PSG7: variants seen among roughly 807,000 people sequenced by gnomAD.
PSG7 encodes pregnancy specific beta-1-glycoprotein 7.
A neutral mutation model predicts 45.6 loss-of-function variants in PSG7; 57 were observed. The observed-to-expected ratio is 1.25, with a 90% CI of 1.01 to 1.56. PSG7 has a LOEUF of 1.56. PSG7 is among the 40% of genes most tolerant of loss of function. The pLI is 0.00. For synonymous variants in PSG7, 298 were observed against 194.4 expected (o/e 1.53, Z -4.43); for missense variants, 796 against 508.4 (o/e 1.57, Z -5.44).
chr19:42,930,221 G>T (rs551292641), intron 2 of PSG7, among the ~76,000 whole-genome samples: 25 of 151,734 alleles, frequency 1.6e-4, no homozygotes, highest in African/African-American at 5.6e-4. Context: ...GCCTGGGACT[G>T]GGTACTTCAG....
intron 2 of PSG7, among the ~76,000 whole-genome samples, chr19:42,933,307 A>ATATATTTT (rs56691588): frequency 8.9e-4 from 12 of 13,504 alleles, no homozygotes; most frequent in Non-Finnish European, 1.3e-3. Flanking sequence ...ATATATATAT[A>ATATATTTT]TTTTTTTTTT....
chr19:42,930,801 T>C (rs1973003545), intron 2 of PSG7, among the ~76,000 whole-genome samples: 1 of 151,552 alleles, frequency 6.6e-6, no homozygotes, highest in South Asian at 2.1e-4. Flanking sequence ...GGGTGTGTGG[T>C]TTCAGTTATG....
intron 2 of PSG7, among the ~76,000 whole-genome samples, chr19:42,933,097 A>C (rs1193433674): frequency 1.3e-5 from 2 of 148,590 alleles, no homozygotes; most frequent in East Asian, 4.0e-4. Flanking sequence ...TTCCATCACC[A>C]AACAATCAGC....
In PSG7 at chr19:42,935,401, C is replaced by T. The variant is rs782274823; in HGVS notation, c.430+3G>A. The stretch of plus-strand genomic sequence containing the variant: ...CACCCAGGGACCATGTGGAATCACT[C>T]ACGGTATAAGGTGAAGGTGAAACGT... On this transcript the variant is annotated splice_donor_region_variant and intron_variant, in intron 2 of 5. Coordinates refer to ENST00000406070, the MANE Select transcript of PSG7 (RefSeq NM_002783.3). The T allele has an allele frequency of 3.2e-5, 52 of 1,611,210 alleles. 2 individuals are homozygous for T. The Admixed American group carries it at 6.9e-4, about 21-fold the overall frequency.
At chr19:42,925,452 T>G in intron 5 of PSG7, 1 of 638,732 alleles carries the variant, frequency 1.6e-6, no homozygotes, top group Non-Finnish European at 2.4e-6. Context: ...TTTCCATAAA[T>G]CTAGAAAACT....
rs781930808 is a variant in PSG7, at chr19:42,935,560, C to T, written c.274G>A (p.Gly92Arg). The T allele has an allele frequency of 1.9e-6, 3 of 1,612,044 alleles. No individual in the cohort carries two copies. Among genetic ancestry groups the T allele is most frequent in the Non-Finnish European group, 2.5e-6 (3 of 1,179,060 alleles). Residue 92 changes from glycine to arginine, a missense_variant, in exon 2 of 6, where the codon GGG (glycine) becomes AGG (arginine). By Grantham distance (125) the Gly-to-Arg change is moderately radical. Transcript: ENST00000406070. Reference sequence around the variant, plus strand: ...GTTTCTCGTCCACTGTATGCAGGCCCATATTTAATTATTTGACCGTCTACT... The same window carrying T: ...GTTTCTCGTCCACTGTATGCAGGCCTATATTTAATTATTTGACCGTCTACT... Reference protein sequence around the residue: ...YIVDGQIIKYGPAYSGRETVY... With the variant: ...YIVDGQIIKYRPAYSGRETVY...
rs753319277 is a variant in PSG7 at position 42,926,639 on chromosome 19, C to A, written c.787G>T (p.Glu263Ter). The change falls in exon 4 of 6, where the codon GAA (glutamate) becomes TAA (stop). Residue 263 changes from glutamate to a stop codon, truncating the protein, a stop_gained. Coordinates refer to ENST00000406070, the MANE Select transcript of PSG7 (RefSeq NM_002783.3). LOFTEE classifies it high-confidence loss of function. ...ENKDVSTFTC[E>*]PKSENYTYIW... ...TAGGTGTAGTTCTCACTCTTAGGTT[C>A]ACAGGTGAAGGTTGAGACATCCTTA... 1.1e-5 allele frequency: 18 copies of A among 1,610,016 alleles called. No individual in the cohort carries two copies. The Admixed American group carries it at 2.8e-4, about 25-fold the overall frequency.
rs781287687 is a variant in PSG7 at position 42,926,656 on chromosome 19, A to T, written c.770T>A (p.Val257Asp). The T allele has an allele frequency of 6.2e-7, 1 of 1,610,268 alleles. No homozygotes were observed. The highest frequency in any genetic ancestry group is 2.2e-5 in the East Asian group (1 of 44,816). ...NNLNPRENKD[V>D]STFTCEPKSE... is the part of the protein sequence containing the mutation. ...CTTAGGTTCACAGGTGAAGGTTGAG[A>T]CATCCTTATTCTCCCTGGGGTTTAA... The change falls in exon 4 of 6, where the codon GTC (valine) becomes GAC (aspartate). Residue 257 changes from valine (V) to aspartate (D), a missense_variant. Coordinates refer to ENST00000406070, the MANE Select transcript of PSG7 (RefSeq NM_002783.3).
intron 2 of PSG7, among the ~76,000 whole-genome samples, chr19:42,933,305 ATATTTTTT>A (rs1264829482): frequency 1.5e-4 from 2 of 13,748 alleles, no homozygotes; most frequent in African/African-American, 3.4e-4. Flanking sequence ...ATATATATAT[ATATTTTTT>A]TTTTTTTTTG....
chr19:42,927,110 G>A lies in PSG7; in HGVS notation c.710-394C>T, dbSNP rs1407469592. 1.5e-5 allele frequency: 4 copies of A among 259,550 alleles called. 1 individual carries two copies. Among genetic ancestry groups the A allele is most frequent in the Middle Eastern group, 1.3e-3 (1 of 782 alleles). The allele number at this position is 259,550 out of a possible 1,614,324, so 16.1% of individuals were successfully genotyped here. On this transcript the variant is annotated intron_variant, in intron 3 of 5. Transcript: ENST00000406070. Reference sequence around the variant, plus strand: ...AATTGCATCCTACTTTGCCCCCCTAGATGTGATTTCTCTGCAACTTCCATT... The same window carrying A: ...AATTGCATCCTACTTTGCCCCCCTAAATGTGATTTCTCTGCAACTTCCATT...
intron 2 of PSG7, among the ~76,000 whole-genome samples, chr19:42,930,106 C>T (rs1185055064): frequency 6.6e-6 from 1 of 151,640 alleles, no homozygotes; most frequent in African/African-American, 2.4e-5. Context: ...CTTACTTTGC[C>T]CCCTGTGGTA....
chr19:42,926,437 C>T lies in PSG7; in HGVS notation c.988+1G>A, dbSNP rs375782621. ...AAGAAAGGATACTCAAGGATACTCA[C>T]AGAGGACATTCAGGGTGACTGGGTC... On this transcript the variant is annotated splice_donor_variant, in intron 4 of 5. Transcript: ENST00000406070. LOFTEE classifies it high-confidence loss of function. 5.4e-5 allele frequency: 87 copies of T among 1,611,476 alleles called. 3 individuals are homozygous for T. The African/African-American group carries it at 1.1e-3, about 20-fold the overall frequency.
intron 2 of PSG7, among the ~76,000 whole-genome samples, chr19:42,933,307 A>ATATATATATTTTTTTTT (rs56691588): frequency 2.2e-4 from 3 of 13,506 alleles, no homozygotes; most frequent in Non-Finnish European, 4.8e-4. Flanking sequence ...ATATATATAT[A>ATATATATATTTTTTTTT]TTTTTTTTTT....
At chr19:42,933,266 AAT>A (rs1161461136) in intron 2 of PSG7, among the ~76,000 whole-genome samples, 17 of 15,744 alleles carry the variant, frequency 1.1e-3, no homozygotes, top group South Asian at 3.8e-3. Flanking sequence ...TCACCATTTC[AAT>A]ATATATATAT....
At chr19:42,933,293 ATATATATATATATATTTTTT>A (rs1275982086) in intron 2 of PSG7, among the ~76,000 whole-genome samples, 1 of 10,554 alleles carries the variant, frequency 9.5e-5, no homozygotes, top group African/African-American at 2.8e-4. Context: ...ATATATATAT[ATATATATATATATATTTTTT>A]TTTTTTTTTG....
chr19:42,932,618 T>C (rs1263215841), intron 2 of PSG7, among the ~76,000 whole-genome samples: 1 of 151,514 alleles, frequency 6.6e-6, no homozygotes. Context: ...CCATCTGGCA[T>C]CTAGTCTCAG....
In PSG7 at chr19:42,926,420, A is replaced by T; in HGVS notation, c.988+18T>A. 1.2e-6 allele frequency: 2 copies of T among 1,610,516 alleles called. No individual in the cohort carries two copies. Among genetic ancestry groups the T allele is most frequent in the Non-Finnish European group, 1.7e-6 (2 of 1,178,260 alleles). On this transcript the variant is annotated intron_variant, in intron 4 of 5. Coordinates refer to ENST00000406070, the MANE Select transcript of PSG7 (RefSeq NM_002783.3). ...GTCCTGGCCCACAGAGGAAGAAAGG[A>T]TACTCAAGGATACTCACAGAGGACA...
In PSG7 at chr19:42,924,423, G is replaced by A. The variant is rs1331827180; in HGVS notation, c.*385C>T. The A allele has an allele frequency of 6.3e-6, 3 of 479,860 alleles. No homozygotes were observed. Among genetic ancestry groups the A allele is most frequent in the South Asian group, 5.8e-5 (1 of 17,158 alleles). The allele number at this position is 479,860 out of a possible 1,614,324, so 29.7% of individuals were successfully genotyped here. On this transcript the variant is annotated 3_prime_UTR_variant, in exon 6 of 6. Transcript: ENST00000406070. The stretch of plus-strand genomic sequence containing the variant: ...GTTGAGATGACATATCTGACACTCT[G>A]TTGTTACCCTCAGAAGCTCCTATAC...
rs1972875734 is a variant in PSG7 at position 42,925,960 on chromosome 19, C to G, written c.1056G>C (p.Leu352Phe). 3 of 1,612,086 alleles carry G rather than the reference C, an allele frequency of 1.9e-6. No individual in the cohort carries two copies. The East Asian group carries it at 6.7e-5, about 36-fold the overall frequency. The change falls in exon 5 of 6, where the codon TTG (leucine) becomes TTC (phenylalanine). Residue 352 changes from leucine (L) to phenylalanine (F), a missense_variant. By Grantham distance (22) the Leu-to-Phe change is conservative. Coordinates refer to ENST00000406070, the MANE Select transcript of PSG7 (RefSeq NM_002783.3). ...GTGGGTTAGAGTCCGCAAAGCAGGA[C>G]AAGTAGAGGTTTTGTCCTGAATGGT... is the stretch of plus-strand genomic sequence containing the variant. ...TYYHSGQNLY[L>F]SCFADSNPPA...
Sources: gnomAD v4.1 joint callset for allele counts (sites outside exome capture counted in the v4.1 genomes callset) on GRCh38, gnomAD v4.1.1 for gene constraint, MANE v1.5 for transcripts, NCBI Gene and HGNC (gene_info 2026-07-23, HGNC 2026-07-21) for gene names.